The following DGCR2 variants were observed in gnomAD, a reference collection of about 807,000 sequenced individuals.
DGCR2 encodes the protein integral membrane protein DGCR2/IDD.
A neutral mutation model predicts 51.6 loss-of-function variants in DGCR2; 24 were observed. That is an observed-to-expected ratio of 0.47 (90% CI 0.34 to 0.65). DGCR2 has a LOEUF of 0.65. DGCR2 is among the 30% of genes least tolerant of loss of function. The pLI is 0.01. For synonymous variants in DGCR2, 340 were observed against 315.4 expected (o/e 1.08, Z -0.82); for missense variants, 765 against 772.1 (o/e 0.99, Z 0.11).
Position 19,057,130 on chromosome 22 carries a change from T to A in DGCR2, c.658A>T (p.Ile220Phe). ...SSEVFLPPDP[I>F]FASAMSENDN... ...TTCTCAGACATGGCCGAGGCAAAGA[T>A]GGGGTCTGGGGGCAGGAACACCTCT... The change falls in exon 6 of 10, where the codon ATC becomes TTC. Residue 220 changes from isoleucine to phenylalanine, a missense_variant. By Grantham distance (21) the Ile-to-Phe change is conservative (BLOSUM62 0). This residue lies in a region of DGCR2 where 370 missense variants were observed against 325.5 expected (regional missense o/e 1.14). Coordinates refer to ENST00000263196, the MANE Select transcript of DGCR2 (RefSeq NM_005137.3). This position sits in a 1 kb window ranked among gnomAD's most constrained non-coding sequence, Gnocchi z 5.1. The A allele has an allele frequency of 6.2e-7, 1 of 1,608,098 alleles. No homozygotes were observed. Among genetic ancestry groups the A allele is most frequent in the Non-Finnish European group, 8.5e-7 (1 of 1,177,418 alleles).
chr22:19,056,390 C>T (rs761311359), intron 6 of DGCR2: 4 of 422,752 alleles, frequency 9.5e-6, no homozygotes, highest in African/African-American at 2.2e-5. Flanking sequence ...ACACATGATC[C>T]GCAAGAACAA....
intron 1 of DGCR2, among the ~76,000 whole-genome samples, chr22:19,108,531 C>T (rs1033367936): frequency 3.6e-5 from 5 of 138,802 alleles, no homozygotes; most frequent in Non-Finnish European, 7.6e-5. Flanking sequence ...GCTGTGATCC[C>T]ACCACTGTAC....
At chr22:19,081,374 C>T (rs749324108) in intron 2 of DGCR2, among the ~76,000 whole-genome samples, 18 of 152,230 alleles carry the variant, frequency 1.2e-4, no homozygotes, top group Middle Eastern at 6.8e-3. Flanking sequence ...AGTAATATAA[C>T]GATCTGTTTT....
chr22:19,113,929 G>T (rs2083344922), intron 1 of DGCR2, among the ~76,000 whole-genome samples: 1 of 151,846 alleles, frequency 6.6e-6, no homozygotes, highest in Non-Finnish European at 1.5e-5. Flanking sequence ...CATGGTGGCA[G>T]ACGCCTGTCA....
intron 1 of DGCR2, among the ~76,000 whole-genome samples, chr22:19,103,463 C>G: frequency 8.6e-6 from 1 of 116,096 alleles, no homozygotes. Flanking sequence ...CGGAGTCTCG[C>G]TCTGTCACCC....
At chr22:19,055,893 G>A (rs1033811445) in intron 6 of DGCR2, 4 of 155,024 alleles carry the variant, frequency 2.6e-5, no homozygotes, top group Admixed American at 1.3e-4. Context: ...GAACTTAAAG[G>A]CTGCAGCTCC....
At chr22:19,049,632 G>T (rs1400420560) in intron 6 of DGCR2, among the ~76,000 whole-genome samples, 3 of 152,100 alleles carry the variant, frequency 2.0e-5, no homozygotes, top group Non-Finnish European at 4.4e-5. Context: ...TTCAAGACCA[G>T]CCTGGCCAAC....
At chr22:19,067,701 T>C (rs2082764978) in intron 3 of DGCR2, among the ~76,000 whole-genome samples, 1 of 46,968 alleles carries the variant, frequency 2.1e-5, no homozygotes, top group Admixed American at 1.8e-4. Context: ...TCTAAATAAA[T>C]AAATAAATAA....
At chr22:19,062,787 T>TCTCTCTCTCTCTC (rs2082691113) in intron 5 of DGCR2, among the ~76,000 whole-genome samples, 1 of 148,092 alleles carries the variant, frequency 6.8e-6, no homozygotes, top group Non-Finnish European at 1.5e-5. Flanking sequence ...TCACTCTCTC[T>TCTCTCTCTCTCTC]CTCTCTCTCT....
chr22:19,110,443 AG>A (rs1391940064), intron 1 of DGCR2, among the ~76,000 whole-genome samples: 1 of 152,076 alleles, frequency 6.6e-6, no homozygotes, highest in African/African-American at 2.4e-5. Flanking sequence ...CAAGAAAAGC[AG>A]GGTGGGTGGG....
intron 1 of DGCR2, among the ~76,000 whole-genome samples, chr22:19,119,443 T>TA (rs1239955288): frequency 1.3e-5 from 2 of 151,286 alleles, no homozygotes; most frequent in African/African-American, 4.9e-5. Context: ...AATGTGCACT[T>TA]AAAAAAAAAT....
At position 19,038,956 on chromosome 22, in the gene DGCR2, G is replaced by C; in HGVS notation, c.1562C>G (p.Pro521Arg). ...ADSSSALLVP[P>R]DPAQSGSTPA... ...GGTGCTCCCGCTCTGGGCAGGGTCA[G>C]GGGGCACGAGCAGGGCGCTGCTGCT... The change falls in exon 10 of 10, where the codon CCT (proline) becomes CGT (arginine). Residue 521 changes from proline (P) to arginine (R), a missense_variant. Around this residue, in one of 3 missense-constraint regions of DGCR2, gnomAD observed 205 missense variants for 181.4 expected, o/e 1.13. Transcript: ENST00000263196. 1 of 1,612,114 alleles carries C rather than the reference G, an allele frequency of 6.2e-7. No individual in the cohort carries two copies. The highest frequency in any genetic ancestry group is 1.1e-5 in the South Asian group (1 of 90,926).
intron 1 of DGCR2, among the ~76,000 whole-genome samples, chr22:19,099,844 G>A (rs1203406139): frequency 6.6e-6 from 1 of 152,056 alleles, no homozygotes; most frequent in East Asian, 1.9e-4. Context: ...GGTGGCACAT[G>A]TCTGTAATCC....
At chr22:19,064,352 G>C (rs190950617) in intron 4 of DGCR2, among the ~76,000 whole-genome samples, 409 of 152,350 alleles carry the variant, frequency 2.7e-3, no homozygotes, top group Non-Finnish European at 3.7e-3. Context: ...AGCTGCAGAA[G>C]GAAAAACAAC....
At chr22:19,087,074 G>T (rs769800967) in intron 2 of DGCR2, among the ~76,000 whole-genome samples, 1 of 152,206 alleles carries the variant, frequency 6.6e-6, no homozygotes, top group South Asian at 2.1e-4. Context: ...CAAGAGGCTG[G>T]ATATAAGGTC....
intron 1 of DGCR2, among the ~76,000 whole-genome samples, chr22:19,118,391 A>C (rs942666425): frequency 6.6e-6 from 1 of 151,622 alleles, no homozygotes; most frequent in South Asian, 2.1e-4. Context: ...AAAAAAAAAA[A>C]AAAAAAACAA....
At chr22:19,090,334 G>A (rs947328563) in intron 1 of DGCR2, among the ~76,000 whole-genome samples, 1 of 152,138 alleles carries the variant, frequency 6.6e-6, no homozygotes, top group Middle Eastern at 3.2e-3. Context: ...GTAGCTCAAT[G>A]AACCACAAGC....
chr22:19,065,002 A>G lies in DGCR2; in HGVS notation c.394T>C (p.Tyr132His). The G allele has an allele frequency of 6.2e-7, 1 of 1,614,074 alleles. No homozygotes were observed. The highest frequency in any genetic ancestry group is 1.3e-5 in the African/African-American group (1 of 75,076). ...TCCCAGTAGTTCTCCCCGCTCAGGTAGACCCGGTAGCAGCTGGCCGTGCCT... is the reference window on the plus strand; with the variant it reads ...TCCCAGTAGTTCTCCCCGCTCAGGTGGACCCGGTAGCAGCTGGCCGTGCCT... ...YEGTASCYRVYLSGENYWDAA... is the reference protein window; with the variant it reads ...YEGTASCYRVHLSGENYWDAA... Residue 132 changes from tyrosine to histidine, a missense_variant, in exon 4 of 10, where the codon TAC becomes CAC. Physicochemically the swap from Tyr to His is moderately conservative, Grantham distance 83. Coordinates refer to ENST00000263196, the MANE Select transcript of DGCR2 (RefSeq NM_005137.3).
At chr22:19,046,683 G>T in intron 7 of DGCR2, 1 of 365,356 alleles carries the variant, frequency 2.7e-6, no homozygotes. Flanking sequence ...TCCAGAAGAA[G>T]GCCCTAGGAG....
Sources: gnomAD v4.1 joint callset for allele counts (sites outside exome capture counted in the v4.1 genomes callset) on GRCh38, gnomAD v4.1.1 for gene constraint, gnomAD v4.1.1 regional missense constraint, Gnocchi (gnomAD v3.1) non-coding constraint, MANE v1.5 for transcripts, NCBI Gene and HGNC (gene_info 2026-07-23, HGNC 2026-07-21) for gene names.